The following USP9X variants were observed in gnomAD, a reference collection of about 807,000 sequenced individuals.
USP9X encodes ubiquitin carboxyl-terminal hydrolase 9X.
USP9X carries 7 observed loss-of-function variants against 190.3 expected under a neutral mutation model. The ratio of observed to expected loss-of-function variants is 0.04; its 90% CI spans 0.02 to 0.07. USP9X has a LOEUF of 0.07. USP9X is among the 10% of genes least tolerant of loss of function. The pLI is 1.00. For missense variants in USP9X, 1,010 were observed against 1,916.9 expected (o/e 0.53, Z 8.83); for synonymous variants, 645 against 659.5 (o/e 0.98, Z 0.34).
intron 6 of USP9X, among the ~76,000 whole-genome samples, chrX:41,137,948 T>A (rs1427465055): frequency 9.0e-6 from 1 of 111,312 alleles, no homozygotes; most frequent in Non-Finnish European, 1.9e-5. Flanking sequence ...AAACTTGATT[T>A]AACATGGCTA....
chrX:41,091,707 C>T (rs1251924073), intron 1 of USP9X, among the ~76,000 whole-genome samples: 1 of 111,820 alleles, frequency 8.9e-6, no homozygotes, highest in Admixed American at 9.5e-5. Context: ...TCAATTCTTT[C>T]TAGTCAGACC....
rs1427817190 is a variant in USP9X at position 41,235,329 on chromosome X, G to C, written c.*2805G>C. 1 of 112,819 alleles carries C rather than the reference G, an allele frequency of 8.9e-6. No individual in the cohort carries two copies. Among genetic ancestry groups the C allele is most frequent in the Non-Finnish European group, 1.9e-5 (1 of 53,310 alleles). 9.3% of individuals were successfully genotyped at this position (112,819 alleles called of 1,213,427 possible). A position where few individuals can be genotyped will look rare whatever the true frequency, so the allele number is the denominator to read the frequency against. On this transcript the variant is annotated 3_prime_UTR_variant, in exon 45 of 45. Coordinates refer to ENST00000378308, the MANE Select transcript of USP9X (RefSeq NM_001039591.3). Reference sequence around the variant, plus strand: ...AAGAGCAACATAATGGTGATTTTGAGGTCTTTTTCTGAACACAAGTGGCAC... The same window carrying C: ...AAGAGCAACATAATGGTGATTTTGACGTCTTTTTCTGAACACAAGTGGCAC...
At chrX:41,152,656 A>G (rs1290698633) in intron 13 of USP9X, among the ~76,000 whole-genome samples, 3 of 112,193 alleles carry the variant, frequency 2.7e-5, no homozygotes, top group African/African-American at 9.7e-5. Flanking sequence ...ATTACATAAC[A>G]TAAGTGCTTT....
intron 14 of USP9X, among the ~76,000 whole-genome samples, chrX:41,156,037 A>G (rs896247283): frequency 6.2e-5 from 7 of 112,212 alleles, no homozygotes; most frequent in Non-Finnish European, 1.3e-4. Context: ...AAATAAACCC[A>G]AGGGGGTGAG....
In USP9X at chrX:41,170,610, G is replaced by A. The variant is rs2062717047; in HGVS notation, c.3018G>A (p.Leu1006=). 1 of 1,207,963 alleles carries A rather than the reference G, an allele frequency of 8.3e-7. No homozygotes were observed. Among genetic ancestry groups the A allele is most frequent in the African/African-American group, 1.8e-5 (1 of 56,978 alleles). ...CCAATCCAGAAGTGGAAAGCTGTTT[G>A]CCTGGAGTGGTGAGTAGATACAGTT... is the stretch of plus-strand genomic sequence containing the variant. The part of the protein sequence containing the change: ...DGPNPEVESC[L]PGVIMSLHPR... The change falls in exon 20 of 45, where the codon TTG becomes TTA. Residue 1006 remains leucine, a synonymous_variant. Transcript: ENST00000378308.
At chrX:41,218,719 TATG>T (rs1314669417) in intron 37 of USP9X, 122 bp downstream of exon 37, 29 of 628,050 alleles carry the variant, frequency 4.6e-5, no homozygotes, top group Non-Finnish European at 7.2e-5. Context: ...AAACACACAA[TATG>T]ATGTCAGTGA....
At chrX:41,106,413 C>T (rs1396760938) in intron 1 of USP9X, among the ~76,000 whole-genome samples, 2 of 109,805 alleles carry the variant, frequency 1.8e-5, no homozygotes, top group Non-Finnish European at 3.8e-5. Context: ...AATATGCAGT[C>T]ATACTGTTTT....
At chrX:41,112,668 G>A (rs2062118719) in intron 1 of USP9X, among the ~76,000 whole-genome samples, 1 of 111,980 alleles carries the variant, frequency 8.9e-6, no homozygotes, top group Non-Finnish European at 1.9e-5. Context: ...AAAATCTTTA[G>A]CATAAATACT....
chrX:41,183,960 T>C, intron 21 of USP9X, 38 bp from the exon 22 acceptor site: 1 of 1,179,035 alleles, frequency 8.5e-7, no homozygotes, highest in Non-Finnish European at 1.1e-6. Flanking sequence ...TATGAACACA[T>C]GAATTACATT....
chrX:41,120,100 T>C (rs2062178952), intron 1 of USP9X, among the ~76,000 whole-genome samples: 1 of 112,151 alleles, frequency 8.9e-6, no homozygotes, highest in African/African-American at 3.2e-5. Flanking sequence ...TTGTTTTGCT[T>C]CGCCAGTTTG....
chrX:41,184,608 A>G lies in USP9X; in HGVS notation c.3491A>G (p.Tyr1164Cys), dbSNP rs2062857166. 3.3e-6 allele frequency: 4 copies of G among 1,210,249 alleles called. No homozygotes were observed. Among genetic ancestry groups the G allele is most frequent in the South Asian group, 1.8e-5 (1 of 56,816 alleles). Residue 1164 changes from tyrosine to cysteine, a missense_variant, in exon 23 of 45, where the codon TAT becomes TGT. Tyr to Cys is a radical substitution (Grantham distance 194). Coordinates refer to ENST00000378308, the MANE Select transcript of USP9X (RefSeq NM_001039591.3). ...IAKLLLTAIG[Y>C]GHVRAVAEAC... is the part of the protein sequence containing the mutation. ...AAGCTTTTGCTAACTGCCATTGGCT[A>G]TGGTCATGTTCGAGCTGTGGCAGAA... is the stretch of plus-strand genomic sequence containing the variant.
At chrX:41,167,287 G>T in intron 16 of USP9X, 195 bp from the exon 17 acceptor site, 1 of 301,189 alleles carries the variant, frequency 3.3e-6, no homozygotes. Flanking sequence ...AAATTATTCA[G>T]AGACTTTCAT....
Position 41,085,782 on chromosome X carries a change from G to C in USP9X, c.-486G>C, listed in dbSNP as rs1343523038. 1 of 297,930 alleles carries C rather than the reference G, an allele frequency of 3.4e-6. No individual in the cohort carries two copies. Among genetic ancestry groups the C allele is most frequent in the Non-Finnish European group, 5.8e-6 (1 of 171,192 alleles). The allele number at this position is 297,930 out of a possible 1,213,427, so 24.6% of individuals were successfully genotyped here. On this transcript the variant is annotated 5_prime_UTR_variant, in exon 1 of 45. Transcript: ENST00000378308. Reference sequence around the variant, plus strand: ...AGGAGGAGGAGCAGGAGGAGGTGACGCAGGAGAAACGCACCGCCCGGAGCC... The same window carrying C: ...AGGAGGAGGAGCAGGAGGAGGTGACCCAGGAGAAACGCACCGCCCGGAGCC...
At chrX:41,140,519 G>C in intron 6 of USP9X, 137 bp from the exon 7 acceptor site, 1 of 448,866 alleles carries the variant, frequency 2.2e-6, no homozygotes, top group Non-Finnish European at 3.8e-6. Context: ...TGAACAAAAT[G>C]CAATGTTTTG....
chrX:41,131,101 C>G (rs1408048290), intron 3 of USP9X, among the ~76,000 whole-genome samples: 1 of 110,290 alleles, frequency 9.1e-6, no homozygotes, highest in Non-Finnish European at 1.9e-5. Context: ...CTCCTTTGAT[C>G]TGAATCCTGA....
At chrX:41,145,173 T>C (rs1179784889) in intron 11 of USP9X, among the ~76,000 whole-genome samples, 2 of 111,692 alleles carry the variant, frequency 1.8e-5, no homozygotes, top group Non-Finnish European at 3.8e-5. Flanking sequence ...ACGTAACTTT[T>C]TGGCAGTTTG....
At chrX:41,125,375 G>A (rs1213807188) in intron 2 of USP9X, among the ~76,000 whole-genome samples, 4 of 59,863 alleles carry the variant, frequency 6.7e-5, no homozygotes, top group African/African-American at 1.3e-4. Flanking sequence ...GTACCCGGCC[G>A]ATCCATTTTT....
At chrX:41,173,334 T>C in intron 21 of USP9X, among the ~76,000 whole-genome samples, 1 of 112,122 alleles carries the variant, frequency 8.9e-6, no homozygotes, top group East Asian at 2.8e-4. Context: ...CTTTAAAACC[T>C]AATGTTCGGC....
intron 21 of USP9X, among the ~76,000 whole-genome samples, chrX:41,174,266 T>C (rs1254536478): frequency 1.8e-5 from 2 of 112,143 alleles, no homozygotes; most frequent in Non-Finnish European, 3.8e-5. Flanking sequence ...ATCGGTTGTA[T>C]ACAAATTCCA....
Sources: gnomAD v4.1 joint callset for allele counts (sites outside exome capture counted in the v4.1 genomes callset) on GRCh38, gnomAD v4.1.1 for gene constraint, MANE v1.5 for transcripts, NCBI Gene and HGNC (gene_info 2026-07-23, HGNC 2026-07-21) for gene names.